Variants in MCF2L observed in about 807,000 individuals in gnomAD.
MCF2L encodes the protein guanine nucleotide exchange factor DBS.
Under a neutral mutation model 153.4 loss-of-function variants are expected in MCF2L, and 97 were observed. That is an observed-to-expected ratio of 0.63 (90% CI 0.54 to 0.75). The LOEUF (loss-of-function observed/expected upper bound fraction) is 0.75, where lower values mean the gene tolerates loss of function less well. Ranked by LOEUF, MCF2L falls within the 30% of genes least tolerant of loss-of-function variation. MCF2L has a pLI of 0.00. For synonymous variants in MCF2L, 659 were observed against 632.2 expected, an observed-to-expected ratio of 1.04 and a Z score of -0.64; for missense variants, 1,347 against 1,495.2, an observed-to-expected ratio of 0.90 and a Z score of 1.64.
chr13:112,995,644 G>C (rs377266600), intron 1 of MCF2L, among the ~76,000 whole-genome samples: 1 of 152,224 alleles, frequency 6.6e-6, no homozygotes, highest in Non-Finnish European at 1.5e-5. Flanking sequence ...GGGACCGTGC[G>C]GGATGCAGGG....
upstream of MCF2L, chr13:112,968,702 G>A (rs780673058): frequency 1.4e-5 from 20 of 1,414,250 alleles, no homozygotes; most frequent in Middle Eastern, 1.9e-4. Context: ...CACCTGCCAC[G>A]GGGCGGCCGG....
intron 4 of MCF2L, among the ~76,000 whole-genome samples, chr13:113,056,249 C>T (rs1324641323): frequency 1.3e-5 from 2 of 152,064 alleles, no homozygotes; most frequent in African/African-American, 4.8e-5. Flanking sequence ...GTGACCTGGT[C>T]CATGTTTGGG....
rs544296316 is a variant in MCF2L at position 112,914,470 on chromosome 13, C to T, written c.169+12099C>T. Among the ~76,000 whole-genome samples, 32 of 152,312 alleles carry T rather than the reference C, an allele frequency of 2.1e-4. No individual in the cohort carries two copies. The South Asian group carries it at 5.6e-3, about 27-fold the overall frequency. On this transcript the variant is annotated intron_variant, in intron 2 of 29. Coordinates refer to the MCF2L transcript ENST00000375608. ...GTAACCTAGTATACATGCCCTTCAGCGTGTGTACTGGTGTATGGATCTCAC... is the reference window on the plus strand; with the variant it reads ...GTAACCTAGTATACATGCCCTTCAGTGTGTGTACTGGTGTATGGATCTCAC...
intron 1 of MCF2L, among the ~76,000 whole-genome samples, chr13:113,014,097 A>ATGCTCCCCCCG (rs1191605597): frequency 6.6e-6 from 1 of 152,010 alleles, no homozygotes; most frequent in Non-Finnish European, 1.5e-5. Context: ...TACTGGCCCC[A>ATGCTCCCCCCG]TGCTCCCCCC....
chr13:113,067,049 A>C (rs1017159211), intron 8 of MCF2L, among the ~76,000 whole-genome samples: 15 of 152,266 alleles, frequency 9.9e-5, no homozygotes, highest in African/African-American at 3.6e-4. Flanking sequence ...GCTGCAGCAC[A>C]GCCCATGAGG....
chr13:112,962,162 TGCATGCACAGATGCACACACAC>T lies in MCF2L; in HGVS notation c.170-52591_170-52570del, dbSNP rs1375109567. 2.0e-3 allele frequency among the ~76,000 whole-genome samples: 303 copies of T among 149,922 alleles called. 2 individuals carry two copies. Among genetic ancestry groups the T allele is most frequent in the African/African-American group, 7.3e-3 (293 of 40,370 alleles). On this transcript the variant is annotated intron_variant, in intron 2 of 29. Transcript: ENST00000375608. ...TTTCATGCAGACATGCTCACACCTG[TGCATGCACAGATGCACACACAC>T]GCATGCACAAACATGCTCACACACT...
chr13:113,011,671 C>A lies in MCF2L; in HGVS notation c.80-3092C>A, dbSNP rs1312440036. ...AGTGTGGACGGTGGACACTGTGATGCAGACGGTGGACAGGCGGTGTGGACG... is the reference window on the plus strand; with the variant it reads ...AGTGTGGACGGTGGACACTGTGATGAAGACGGTGGACAGGCGGTGTGGACG... On this transcript the variant is annotated intron_variant, in intron 1 of 29. Coordinates refer to ENST00000535094, the MANE Select transcript of MCF2L (RefSeq NM_001112732.3). Among the ~76,000 whole-genome samples the A allele has an allele frequency of 5.3e-5, 4 of 75,590 alleles. 1 individual carries two copies. Among genetic ancestry groups the A allele is most frequent in the Admixed American group, 1.4e-4 (1 of 7,346 alleles). 49.6% of individuals were successfully genotyped at this position (75,590 alleles called of 152,430 possible). A position where few individuals can be genotyped will look rare whatever the true frequency, so the allele number is the denominator to read the frequency against.
At chr13:112,975,860 G>A (rs967401115) in intron 1 of MCF2L, among the ~76,000 whole-genome samples, 4 of 152,178 alleles carry the variant, frequency 2.6e-5, no homozygotes, top group Admixed American at 6.5e-5. Context: ...GCCCACGGTC[G>A]CAGAGAGCTC....
chr13:113,017,388 G>A (rs181699404), intron 2 of MCF2L, among the ~76,000 whole-genome samples: 6 of 152,238 alleles, frequency 3.9e-5, no homozygotes, highest in East Asian at 1.9e-4. Flanking sequence ...CCTGTACGTC[G>A]GTGTCTCCTC....
At chr13:112,980,314 G>A (rs2082363259) in intron 1 of MCF2L, among the ~76,000 whole-genome samples, 1 of 152,254 alleles carries the variant, frequency 6.6e-6, no homozygotes, top group Non-Finnish European at 1.5e-5. Context: ...TGGCTTGAGG[G>A]GGAGAAAGGA....
intron 2 of MCF2L, among the ~76,000 whole-genome samples, chr13:112,913,777 G>A (rs765154866): frequency 2.0e-5 from 3 of 152,038 alleles, no homozygotes; most frequent in Non-Finnish European, 2.9e-5. Context: ...TCCTCTCAAC[G>A]AATGTGTGCT....
chr13:113,047,836 CCT>C (rs1440471557), intron 4 of MCF2L, among the ~76,000 whole-genome samples: 1 of 150,710 alleles, frequency 6.6e-6, no homozygotes, highest in East Asian at 1.9e-4. Flanking sequence ...CTACGCGTGC[CCT>C]GTCCCCTCTG....
At chr13:112,961,677 T>C (rs2081828296) in intron 2 of MCF2L, among the ~76,000 whole-genome samples, 1 of 152,206 alleles carries the variant, frequency 6.6e-6, no homozygotes, top group Admixed American at 6.5e-5. Flanking sequence ...ACAGCTGGGC[T>C]GTTGAGGGCA....
At chr13:113,092,344 C>T (rs936709641) in intron 26 of MCF2L, among the ~76,000 whole-genome samples, 11 of 151,900 alleles carry the variant, frequency 7.2e-5, no homozygotes, top group Non-Finnish European at 1.2e-4. Context: ...GGCCACTGCC[C>T]GTGGGTCATT....
chr13:112,938,939 C>G lies in MCF2L; in HGVS notation c.169+36568C>G, dbSNP rs138148061. ...GCGGGGGCCAGGCAGGTTCTTCCAG[C>G]TTTGGAGTGAACCAGACATGTGGGC... On this transcript the variant is annotated intron_variant, in intron 2 of 29. Transcript: ENST00000375608. 4.4e-3 allele frequency among the ~76,000 whole-genome samples: 677 copies of G among 152,298 alleles called. 2 individuals are homozygous for G. Among genetic ancestry groups the G allele is most frequent in the African/African-American group, 0.016 (655 of 41,570 alleles).
chr13:112,929,488 A>G (rs1006866897), intron 2 of MCF2L, among the ~76,000 whole-genome samples: 2 of 152,224 alleles, frequency 1.3e-5, no homozygotes, highest in Non-Finnish European at 2.9e-5. Context: ...TCTTAAATGC[A>G]TTAGTAAAAC....
rs566384252 is a variant in MCF2L at position 113,065,975 on chromosome 13, C to T, written c.757-71C>T. ...CCGCCCCCTCAAGAGCAAGGCCCCACGAGGCCTCACCACCAGCCTGCGCTG... is the reference window on the plus strand; with the variant it reads ...CCGCCCCCTCAAGAGCAAGGCCCCATGAGGCCTCACCACCAGCCTGCGCTG... On this transcript the variant is annotated intron_variant, in intron 7 of 29. Coordinates refer to ENST00000535094, the MANE Select transcript of MCF2L (RefSeq NM_001112732.3). The T allele has an allele frequency of 4.2e-5, 63 of 1,516,750 alleles. No individual in the cohort carries two copies. In the East Asian group the frequency reaches 6.5e-4, roughly 16 times the overall value. The allele number at this position is 1,516,750 out of a possible 1,614,324, so 94.0% of individuals were successfully genotyped here.
intron 2 of MCF2L, among the ~76,000 whole-genome samples, chr13:112,919,903 T>C (rs1234344711): frequency 5.3e-5 from 8 of 152,230 alleles, no homozygotes; most frequent in Non-Finnish European, 1.2e-4. Flanking sequence ...GTAATTTCTC[T>C]TCCCTCAAAT....
At chr13:113,002,048 G>T in intron 1 of MCF2L, 2 of 1,438,264 alleles carry the variant, frequency 1.4e-6, no homozygotes, top group Non-Finnish European at 9.1e-7. Context: ...GTGCGGGGAC[G>T]CCGGGCGGGG....
Sources: allele counts gnomAD v4.1 joint callset (sites outside exome capture counted in the v4.1 genomes callset), GRCh38; gene constraint gnomAD v4.1.1; transcripts MANE v1.5; gene names NCBI Gene and HGNC (gene_info 2026-07-23, HGNC 2026-07-21).